The following ERP44 variants were observed in gnomAD, a reference collection of about 807,000 sequenced individuals.
ERP44 encodes the protein endoplasmic reticulum resident protein 44.
ERP44 carries 25 observed loss-of-function variants against 53.4 expected under a neutral mutation model. That is an observed-to-expected ratio of 0.47 (90% confidence interval 0.34 to 0.65). The LOEUF (loss-of-function observed/expected upper bound fraction) is 0.65. Among genes scored for constraint, ERP44 ranks in the 30% least tolerant of loss-of-function variants. ERP44 has a pLI of 0.01. For synonymous variants in ERP44, 145 were observed against 161.2 expected (o/e 0.90, Z 0.76); for missense variants, 338 against 493.2 (o/e 0.69, Z 2.98).
intron 10 of ERP44, among the ~76,000 whole-genome samples, chr9:99,990,896 A>G (rs1408321980): frequency 6.6e-6 from 1 of 152,236 alleles, no homozygotes; most frequent in African/African-American, 2.4e-5. Context: ...CTTTAAACCA[A>G]CAAAGATCAA....
intron 10 of ERP44, among the ~76,000 whole-genome samples, chr9:100,001,972 C>T (rs1460405333): frequency 2.0e-5 from 3 of 151,718 alleles, no homozygotes; most frequent in South Asian, 2.1e-4. Flanking sequence ...TTTTATCTTT[C>T]GTGTATTTAC....
At chr9:100,082,387 AAT>A (rs61185937) in intron 1 of ERP44, among the ~76,000 whole-genome samples, 32,827 of 148,904 alleles carry the variant, frequency 0.22, 5,966 homozygotes, top group African/African-American at 0.5. Flanking sequence ...TATAAAAAAT[AAT>A]ATATATATAT....
At chr9:100,096,253 G>T (rs1290179962) in intron 1 of ERP44, among the ~76,000 whole-genome samples, 1 of 151,970 alleles carries the variant, frequency 6.6e-6, no homozygotes, top group Admixed American at 6.6e-5. Flanking sequence ...GGAAAAACAG[G>T]CAAGATTTCT....
chr9:99,996,566 G>A (rs1830311839), intron 10 of ERP44, among the ~76,000 whole-genome samples: 1 of 152,090 alleles, frequency 6.6e-6, no homozygotes, highest in Admixed American at 6.6e-5. Context: ...TGGGGTACAG[G>A]TGGTATTTGG....
At chr9:100,037,492 T>C (rs1424520535) in intron 4 of ERP44, among the ~76,000 whole-genome samples, 2 of 152,148 alleles carry the variant, frequency 1.3e-5, no homozygotes, top group Non-Finnish European at 2.9e-5. Context: ...ATATATGACC[T>C]ACTGAGACAC....
chr9:100,002,339 T>C (rs1830386304), intron 10 of ERP44, among the ~76,000 whole-genome samples: 1 of 152,226 alleles, frequency 6.6e-6, no homozygotes, highest in Admixed American at 6.5e-5. Context: ...GACTGTATAC[T>C]TACTTTCACC....
intron 4 of ERP44, among the ~76,000 whole-genome samples, chr9:100,029,201 A>G (rs1825745901): frequency 6.6e-6 from 1 of 152,248 alleles, no homozygotes. Context: ...TTATCAAACT[A>G]AAAAGCTTCT....
At chr9:100,090,468 G>A (rs976893964) in intron 1 of ERP44, among the ~76,000 whole-genome samples, 1 of 152,128 alleles carries the variant, frequency 6.6e-6, no homozygotes, top group Non-Finnish European at 1.5e-5. Flanking sequence ...AACAAAACAG[G>A]CCTGGCACAG....
chr9:100,000,465 T>C (rs1045297824), intron 10 of ERP44, among the ~76,000 whole-genome samples: 2 of 151,458 alleles, frequency 1.3e-5, no homozygotes, highest in Admixed American at 6.6e-5. Context: ...CTTTCTCCCT[T>C]CTTCAATTTT....
chr9:100,053,572 CAA>C (rs909090089), intron 3 of ERP44, among the ~76,000 whole-genome samples: 68 of 152,296 alleles, frequency 4.5e-4, no homozygotes, highest in African/African-American at 1.6e-3. Flanking sequence ...TCCTAGGCTA[CAA>C]ACCTGTACCA....
At chr9:100,060,602 C>A (rs1195360989) in intron 1 of ERP44, among the ~76,000 whole-genome samples, 1 of 152,086 alleles carries the variant, frequency 6.6e-6, no homozygotes, top group Non-Finnish European at 1.5e-5. Context: ...ATGAAGAATG[C>A]AAGAAAGACT....
intron 1 of ERP44, among the ~76,000 whole-genome samples, chr9:100,089,070 A>C (rs182297773): frequency 3.9e-5 from 6 of 152,356 alleles, no homozygotes; most frequent in African/African-American, 1.4e-4. Context: ...TTTAAATTGC[A>C]TGCAGTTCTA....
chr9:100,067,843 GC>G (rs1352976865), intron 1 of ERP44, among the ~76,000 whole-genome samples: 1 of 150,922 alleles, frequency 6.6e-6, no homozygotes, highest in East Asian at 2.0e-4. Flanking sequence ...CTGCCTGGCC[GC>G]CCCGTCTGAG....
chr9:100,098,308 C>A (rs1173202234), intron 1 of ERP44, among the ~76,000 whole-genome samples: 8 of 152,182 alleles, frequency 5.3e-5, no homozygotes, highest in Non-Finnish European at 1.2e-4. Context: ...CCCAACCAAT[C>A]GCATCAAGCC....
At chr9:99,985,276 T>C (rs892140909) in intron 10 of ERP44, among the ~76,000 whole-genome samples, 2 of 152,250 alleles carry the variant, frequency 1.3e-5, no homozygotes, top group African/African-American at 4.8e-5. Flanking sequence ...CCTGTACTTG[T>C]TTCATAGAAA....
chr9:100,029,030 T>C (rs1486232655), intron 4 of ERP44, among the ~76,000 whole-genome samples: 2 of 151,902 alleles, frequency 1.3e-5, no homozygotes, highest in Non-Finnish European at 2.9e-5. Context: ...AAAAATCAAC[T>C]CAAGATGGAT....
intron 8 of ERP44, 130 bp from the exon 9 acceptor site, chr9:100,007,819 G>A: frequency 1.5e-6 from 1 of 651,758 alleles, no homozygotes; most frequent in Non-Finnish European, 2.7e-6. Flanking sequence ...GAAAAAAAAG[G>A]CCCAGTGGTG....
chr9:100,038,155 C>T (rs1338753464), intron 4 of ERP44, among the ~76,000 whole-genome samples: 6 of 152,078 alleles, frequency 3.9e-5, no homozygotes, highest in African/African-American at 1.4e-4. Flanking sequence ...AATAAGAAAT[C>T]ATCTGAACGT....
At chr9:100,022,290 G>A in intron 4 of ERP44, 64 bp from the exon 5 acceptor site, 1 of 1,334,306 alleles carries the variant, frequency 7.5e-7, no homozygotes, top group African/African-American at 1.5e-5. Context: ...TTTGCCTAAT[G>A]GTCAAAAATC....
Sources: gnomAD v4.1 joint callset for allele counts (sites outside exome capture counted in the v4.1 genomes callset) on GRCh38, gnomAD v4.1.1 for gene constraint, MANE v1.5 for transcripts, NCBI Gene and HGNC (gene_info 2026-07-23, HGNC 2026-07-21) for gene names.